Variants in REDIC1 observed in about 807,000 individuals in gnomAD.
REDIC1 encodes HEI10 Interacting Protein 1.
chr12:39,697,600 T>G, the REDIC1 span, among the ~76,000 whole-genome samples: 3 of 152,152 alleles, frequency 2.0e-5, no homozygotes, highest in Non-Finnish European at 4.4e-5. Flanking sequence ...AACAGAGAGT[T>G]AAAAAGCAAG....
the REDIC1 span, among the ~76,000 whole-genome samples, chr12:39,856,444 C>T: frequency 6.6e-6 from 1 of 152,202 alleles, no homozygotes; most frequent in African/African-American, 2.4e-5. Flanking sequence ...TCTCGGCTCA[C>T]TGTAACCTCT....
chr12:39,679,164 A>C, the REDIC1 span, among the ~76,000 whole-genome samples: 2 of 152,206 alleles, frequency 1.3e-5, no homozygotes, highest in Non-Finnish European at 2.9e-5. Context: ...CAGAGCAATC[A>C]GACAAGAGAA....
chr12:39,784,376 G>A, the REDIC1 span, among the ~76,000 whole-genome samples: 2 of 152,098 alleles, frequency 1.3e-5, no homozygotes. Flanking sequence ...CCAAAACAGA[G>A]ATATAGAACA....
the REDIC1 span, among the ~76,000 whole-genome samples, chr12:39,895,770 G>A: frequency 2.5e-4 from 14 of 56,790 alleles, no homozygotes; most frequent in East Asian, 5.0e-4. Flanking sequence ...GTACACACAT[G>A]TATATGCGTG....
chr12:39,664,881 G>C, the REDIC1 span, among the ~76,000 whole-genome samples: 1 of 152,166 alleles, frequency 6.6e-6, no homozygotes, highest in African/African-American at 2.4e-5. Context: ...CTTCTTTTGA[G>C]AAGTGTCTGT....
the REDIC1 span, among the ~76,000 whole-genome samples, chr12:39,852,890 T>A: frequency 1.3e-5 from 2 of 152,188 alleles, no homozygotes; most frequent in African/African-American, 4.8e-5. Context: ...TGTGGGCCAC[T>A]CCTTCATTCA....
At chr12:39,830,352 T>C in the REDIC1 span, 1 of 1,453,258 alleles carries the variant, frequency 6.9e-7, no homozygotes, top group Non-Finnish European at 9.1e-7. Context: ...CCTTGGGACT[T>C]GTTTTGGCCA....
At chr12:39,781,902 G>A in the REDIC1 span, among the ~76,000 whole-genome samples, 1 of 152,204 alleles carries the variant, frequency 6.6e-6, no homozygotes, top group African/African-American at 2.4e-5. Flanking sequence ...GTGTCTAGGA[G>A]ATCAGCTCTA....
the REDIC1 span, among the ~76,000 whole-genome samples, chr12:39,667,810 C>T: frequency 3.3e-5 from 5 of 152,188 alleles, no homozygotes; most frequent in Non-Finnish European, 7.4e-5. Context: ...GATTCCTTTA[C>T]CATTATGTAA....
the REDIC1 span, among the ~76,000 whole-genome samples, chr12:39,838,117 T>A: frequency 6.8e-6 from 1 of 146,668 alleles, no homozygotes; most frequent in African/African-American, 2.6e-5. Flanking sequence ...ATAGACTGGA[T>A]TAAGAAAATG....
chr12:39,833,176 C>G, the REDIC1 span, among the ~76,000 whole-genome samples: 106,704 of 151,918 alleles, frequency 0.7, 38,156 homozygotes, highest in African/African-American at 0.83. Flanking sequence ...ATGTCCATTT[C>G]TTTACTTATT....
At chr12:39,644,941 C>A in the REDIC1 span, among the ~76,000 whole-genome samples, 1 of 151,754 alleles carries the variant, frequency 6.6e-6, no homozygotes, top group South Asian at 2.1e-4. Flanking sequence ...ATTTTTCTTG[C>A]CAGGTTTGAT....
chr12:39,687,327 T>C, the REDIC1 span, among the ~76,000 whole-genome samples: 4 of 152,138 alleles, frequency 2.6e-5, no homozygotes, highest in African/African-American at 7.2e-5. Context: ...ATAAAGAAAA[T>C]AGATTAATTG....
the REDIC1 span, among the ~76,000 whole-genome samples, chr12:39,900,209 C>T: frequency 6.6e-6 from 1 of 152,056 alleles, no homozygotes; most frequent in Non-Finnish European, 1.5e-5. Flanking sequence ...TAAGAGCTAT[C>T]TATGACAACC....
the REDIC1 span, among the ~76,000 whole-genome samples, chr12:39,649,550 A>G: frequency 6.7e-6 from 1 of 148,628 alleles, no homozygotes; most frequent in African/African-American, 2.5e-5. Flanking sequence ...TTTTTCCCCA[A>G]AGACTTTCAG....
the REDIC1 span, among the ~76,000 whole-genome samples, chr12:39,731,593 G>C: frequency 6.6e-6 from 1 of 152,164 alleles, no homozygotes; most frequent in Admixed American, 6.5e-5. Context: ...GTCAACCCCT[G>C]CTGGGAGGTG....
chr12:39,705,098 AAATAAAT>A, the REDIC1 span, among the ~76,000 whole-genome samples: 66 of 139,796 alleles, frequency 4.7e-4, no homozygotes, highest in African/African-American at 1.8e-3. Context: ...TAAATTAAAA[AAATAAAT>A]AAATAAAATC....
At chr12:39,773,430 A>C in the REDIC1 span, among the ~76,000 whole-genome samples, 117 of 152,308 alleles carry the variant, frequency 7.7e-4, no homozygotes, top group Middle Eastern at 6.8e-3. Flanking sequence ...ACATGTAGAA[A>C]TTAACAGCTC....
chr12:39,733,474 TTTTTAA>T, the REDIC1 span, among the ~76,000 whole-genome samples: 2 of 152,162 alleles, frequency 1.3e-5, no homozygotes, highest in African/African-American at 4.8e-5. Flanking sequence ...TTCTTTGTCT[TTTTTAA>T]TTTTTTTATT....
Sources: gnomAD v4.1 joint callset for allele counts (sites outside exome capture counted in the v4.1 genomes callset) on GRCh38, gnomAD v4.1.1 for gene constraint, MANE v1.5 for transcripts, NCBI Gene and HGNC (gene_info 2026-07-23, HGNC 2026-07-21) for gene names.